MALRD1: variants seen among roughly 807,000 people sequenced by gnomAD.
The protein encoded by MALRD1 is MAM and LDL-receptor class A domain-containing protein 1.
Under a neutral mutation model 242.1 loss-of-function variants are expected in MALRD1, and 247 were observed. The observed-to-expected ratio is 1.02, with a 90% CI of 0.92 to 1.13. The LOEUF is 1.13. Ranked by LOEUF, MALRD1 falls within the 50% of genes most tolerant of loss-of-function variation. MALRD1 has a pLI of 0.00. For missense variants in MALRD1, 2,989 were observed against 2,533.1 expected, an observed-to-expected ratio of 1.18 and a Z score of -3.86; for synonymous variants, 995 against 866.6, an observed-to-expected ratio of 1.15 and a Z score of -2.60.
At chr10:19,625,223 T>C (rs562667947) in intron 36 of MALRD1, among the ~76,000 whole-genome samples, 1 of 152,254 alleles carries the variant, frequency 6.6e-6, no homozygotes, top group African/African-American at 2.4e-5. Context: ...ACTAGACGGC[T>C]TATGATTCTA....
chr10:19,566,340 C>T (rs1836254089), intron 32 of MALRD1, among the ~76,000 whole-genome samples: 1 of 130,282 alleles, frequency 7.7e-6, no homozygotes, highest in Non-Finnish European at 1.6e-5. Context: ...TTAGTAGAGA[C>T]GTGTTAGCCA....
intron 28 of MALRD1, among the ~76,000 whole-genome samples, chr10:19,443,698 A>T (rs1295239958): frequency 2.0e-5 from 3 of 152,090 alleles, no homozygotes; most frequent in Non-Finnish European, 2.9e-5. Context: ...GTTTGTTATA[A>T]TTTCTGTTCT....
chr10:19,470,225 CT>C (rs1836428377), intron 29 of MALRD1, among the ~76,000 whole-genome samples: 1 of 151,994 alleles, frequency 6.6e-6, no homozygotes, highest in Non-Finnish European at 1.5e-5. Flanking sequence ...GCATATTTCA[CT>C]TAGCTAATAC....
chr10:19,652,082 G>A (rs1840921447), intron 36 of MALRD1, among the ~76,000 whole-genome samples: 2 of 152,156 alleles, frequency 1.3e-5, no homozygotes, highest in African/African-American at 4.8e-5. Context: ...AACAGGGCCA[G>A]CGAGGGTGAC....
intron 14 of MALRD1, among the ~76,000 whole-genome samples, chr10:19,191,313 CA>C (rs1375083149): frequency 6.6e-6 from 1 of 151,984 alleles, no homozygotes; most frequent in East Asian, 1.9e-4. Flanking sequence ...AAACCAAAAA[CA>C]AAACCAAACA....
chr10:19,128,855 A>G (rs1416354407), intron 8 of MALRD1, among the ~76,000 whole-genome samples: 1 of 152,132 alleles, frequency 6.6e-6, no homozygotes, highest in African/African-American at 2.4e-5. Context: ...GAGTGAGTCC[A>G]TTCTTCTTCT....
intron 19 of MALRD1, among the ~76,000 whole-genome samples, chr10:19,274,327 A>G (rs546842768): frequency 3.0e-4 from 46 of 152,352 alleles, no homozygotes; most frequent in African/African-American, 1.1e-3. Context: ...ATGCTGCCAC[A>G]TAGATGCTGT....
At chr10:19,059,271 C>T (rs1214268178) in intron 1 of MALRD1, among the ~76,000 whole-genome samples, 1 of 151,834 alleles carries the variant, frequency 6.6e-6, no homozygotes, top group Non-Finnish European at 1.5e-5. Context: ...TATAGTATGG[C>T]ACTGCACATA....
intron 10 of MALRD1, among the ~76,000 whole-genome samples, chr10:19,141,412 G>T (rs1833539594): frequency 6.6e-6 from 1 of 152,124 alleles, no homozygotes; most frequent in Non-Finnish European, 1.5e-5. Flanking sequence ...CTTAATGGGG[G>T]TGGAGATTCA....
At chr10:19,352,956 A>G (rs960302056) in intron 26 of MALRD1, among the ~76,000 whole-genome samples, 5 of 152,140 alleles carry the variant, frequency 3.3e-5, no homozygotes, top group African/African-American at 1.2e-4. Context: ...TATTAACGAG[A>G]CAAAGGAGTA....
chr10:19,066,979 G>T lies in MALRD1; in HGVS notation c.340+120G>T, dbSNP rs868280170. The T allele has an allele frequency of 2.9e-6, 2 of 680,848 alleles. 1 individual carries two copies. Among genetic ancestry groups the T allele is most frequent in the Middle Eastern group, 5.4e-4 (2 of 3,690 alleles). 42.2% of individuals were successfully genotyped at this position (680,848 alleles called of 1,614,324 possible). On this transcript the variant is annotated intron_variant, in intron 2 of 39. Transcript: ENST00000454679. ...CCGTTCCCCACCACATGTTTAATTA[G>T]GGAAGCAGAATCTTGTCTGATATTT...
intron 13 of MALRD1, among the ~76,000 whole-genome samples, chr10:19,170,826 T>C (rs542400978): frequency 6.6e-6 from 1 of 152,264 alleles, no homozygotes. Flanking sequence ...TAAAATAAGA[T>C]GAAAATAGCA....
chr10:19,447,364 C>T (rs1239907951), intron 28 of MALRD1, among the ~76,000 whole-genome samples: 1 of 152,130 alleles, frequency 6.6e-6, no homozygotes, highest in African/African-American at 2.4e-5. Flanking sequence ...TATTATGAAA[C>T]AACAGCTAGT....
chr10:19,113,006 A>G (rs1836734213), intron 5 of MALRD1, among the ~76,000 whole-genome samples: 1 of 151,972 alleles, frequency 6.6e-6, no homozygotes, highest in Non-Finnish European at 1.5e-5. Flanking sequence ...GGAATGTCCT[A>G]CCTTATTTCT....
intron 14 of MALRD1, among the ~76,000 whole-genome samples, chr10:19,178,923 A>G (rs1009140786): frequency 3.3e-5 from 5 of 152,220 alleles, no homozygotes; most frequent in Non-Finnish European, 5.9e-5. Context: ...TGAGCATTGT[A>G]TGATGAAGAC....
intron 18 of MALRD1, among the ~76,000 whole-genome samples, chr10:19,235,187 G>A (rs983184245): frequency 3.9e-5 from 6 of 152,090 alleles, no homozygotes; most frequent in African/African-American, 7.2e-5. Flanking sequence ...TAGATAGGCC[G>A]CTCTTTTGGC....
chr10:19,632,526 A>C (rs1314585437), intron 36 of MALRD1, among the ~76,000 whole-genome samples: 1 of 152,150 alleles, frequency 6.6e-6, no homozygotes, highest in African/African-American at 2.4e-5. Context: ...TTCAGTTTCT[A>C]GAAATAAAAA....
At chr10:19,170,121 G>A (rs1296437167) in intron 13 of MALRD1, among the ~76,000 whole-genome samples, 1 of 152,132 alleles carries the variant, frequency 6.6e-6, no homozygotes, top group African/African-American at 2.4e-5. Context: ...TAGGTTTACT[G>A]TTTTCTCTGT....
At chr10:19,165,192 T>A (rs1381402825) in intron 12 of MALRD1, among the ~76,000 whole-genome samples, 1 of 143,696 alleles carries the variant, frequency 7.0e-6, no homozygotes. Context: ...GTTACACATC[T>A]GGGAGAAAGG....
Sources: gnomAD v4.1 joint callset for allele counts (sites outside exome capture counted in the v4.1 genomes callset) on GRCh38, gnomAD v4.1.1 for gene constraint, MANE v1.5 for transcripts, NCBI Gene and HGNC (gene_info 2026-07-23, HGNC 2026-07-21) for gene names.